Variants in PCDHGB7 observed in about 807,000 individuals in gnomAD.
PCDHGB7 encodes protocadherin gamma-B7.
Under a neutral mutation model 61.4 loss-of-function variants are expected in PCDHGB7, and 37 were observed. The ratio of observed to expected loss-of-function variants is 0.60; its 90% CI spans 0.46 to 0.79. PCDHGB7 has a LOEUF of 0.79. Ranked by LOEUF, PCDHGB7 falls within the 30% of genes least tolerant of loss-of-function variation. The pLI is 0.00. For missense variants in PCDHGB7, 1,166 were observed against 1,202.5 expected, an observed-to-expected ratio of 0.97 and a Z score of 0.45; for synonymous variants, 464 against 503.5, an observed-to-expected ratio of 0.92 and a Z score of 1.05.
At position 141,432,640 on chromosome 5, in the gene PCDHGB7, C is replaced by T. The variant is rs2097523683; in HGVS notation, c.2415+12366C>T. On this transcript the variant is annotated intron_variant, in intron 1 of 3. Transcript: ENST00000398594. This position sits in a 1 kb window ranked among gnomAD's most constrained non-coding sequence, Gnocchi z 6.0. ...TGGGTCTGCACACGGGCGAGGTGCG[C>T]ACGGCGCGAGCCCTGCTGGACAGAG... 1.9e-6 allele frequency: 3 copies of T among 1,613,814 alleles called. No individual in the cohort carries two copies. The highest frequency in any genetic ancestry group is 2.5e-6 in the Non-Finnish European group (3 of 1,179,932).
In PCDHGB7 at chr5:141,510,353, C is replaced by G. The variant is rs74759939; in HGVS notation, c.2564-594C>G. On this transcript the variant is annotated intron_variant, in intron 3 of 3. Transcript: ENST00000398594. ...CACCCCCACCCCACACACTTACTAA[C>G]GGAACTACCGAATCTCTACTCGTGC... is the stretch of plus-strand genomic sequence containing the variant. Among the ~76,000 whole-genome samples the G allele has an allele frequency of 1.9e-4, 28 of 146,588 alleles. No homozygotes were observed. The East Asian group carries it at 5.6e-3, about 29-fold the overall frequency.
intron 2 of PCDHGB7, among the ~76,000 whole-genome samples, chr5:141,503,570 G>T (rs996006002): frequency 3.4e-4 from 50 of 147,216 alleles, no homozygotes; most frequent in African/African-American, 1.2e-3. Context: ...CTGTACTCCA[G>T]CCTGGGTGAC....
intron 1 of PCDHGB7, chr5:141,492,055 G>C (rs1335131646): frequency 4.1e-6 from 2 of 493,506 alleles, no homozygotes; most frequent in Non-Finnish European, 7.1e-6. Flanking sequence ...CACCCCTGCA[G>C]CCAGCCTCCT....
chr5:141,490,576 G>T lies in PCDHGB7; in HGVS notation c.2416-4231G>T. On this transcript the variant is annotated intron_variant, in intron 1 of 3. Transcript: ENST00000398594. The surrounding 1 kb of genome is among the most constrained non-coding windows in gnomAD (Gnocchi z 5.4). ...TCTCACCATCAGGCTCAACATTTCA[G>T]ATGTCAATGACAATGCACCCCGCTT... 2.5e-6 allele frequency: 4 copies of T among 1,614,134 alleles called. No homozygotes were observed. The highest frequency in any genetic ancestry group is 3.4e-6 in the Non-Finnish European group (4 of 1,180,030).
chr5:141,473,879 C>G (rs937312573), intron 1 of PCDHGB7, among the ~76,000 whole-genome samples: 2 of 152,120 alleles, frequency 1.3e-5, no homozygotes, highest in Admixed American at 1.3e-4. Context: ...AATGCATACA[C>G]AAGGGTTCTG....
intron 1 of PCDHGB7, among the ~76,000 whole-genome samples, chr5:141,480,216 C>T (rs1055544952): frequency 1.9e-4 from 28 of 147,036 alleles, no homozygotes; most frequent in Non-Finnish European, 3.6e-4. Flanking sequence ...CCAGCCTGAG[C>T]GACATAGTGA....
rs1322608789 is a variant in PCDHGB7, at chr5:141,485,671, G to A, written c.2416-9136G>A. 3 of 1,612,860 alleles carry A rather than the reference G, an allele frequency of 1.9e-6. No homozygotes were observed. The highest frequency in any genetic ancestry group is 2.5e-6 in the Non-Finnish European group (3 of 1,179,040). On this transcript the variant is annotated intron_variant, in intron 1 of 3. Coordinates refer to ENST00000398594, the MANE Select transcript of PCDHGB7 (RefSeq NM_018927.4). This position sits in a 1 kb window ranked among gnomAD's most constrained non-coding sequence, Gnocchi z 5.7. Reference sequence around the variant, plus strand: ...AGGATGCAGATGTGGGGAGCAATTCGATTAGCAGCTATAGGCTGAGCTCCA... The same window carrying A: ...AGGATGCAGATGTGGGGAGCAATTCAATTAGCAGCTATAGGCTGAGCTCCA...
Position 141,417,874 on chromosome 5 carries a change from C to G in PCDHGB7, c.15C>G (p.Cys5Trp). MGGS[C>W]AQRRRAGPRQ... ...CCGAGCGAACGATGGGAGGGAGCTG[C>G]GCGCAGAGGCGCCGGGCCGGCCCGC... is the stretch of plus-strand genomic sequence containing the variant. Residue 5 changes from cysteine (C) to tryptophan (W), a missense_variant, in exon 1 of 4, where the codon TGC becomes TGG. Transcript: ENST00000398594. 9 of 1,555,320 alleles carry G rather than the reference C, an allele frequency of 5.8e-6. No individual in the cohort carries two copies. The highest frequency in any genetic ancestry group is 7.8e-6 in the Non-Finnish European group (9 of 1,148,654).
Position 141,422,740 on chromosome 5 carries a change from T to C in PCDHGB7, c.2415+2466T>C, listed in dbSNP as rs536737009. The C allele has an allele frequency of 2.7e-5, 43 of 1,609,962 alleles. 1 individual carries two copies. In the South Asian group the frequency reaches 4.8e-4, roughly 18 times the overall value. On this transcript the variant is annotated intron_variant, in intron 1 of 3. Transcript: ENST00000398594. ...TGTCCAGGGGGTGCCTCTGTCCTCC[T>C]ATGTCTCTATTAACTCCAACACTGG... is the stretch of plus-strand genomic sequence containing the variant.
Position 141,477,203 on chromosome 5 carries a change from G to T in PCDHGB7, c.2416-17604G>T. On this transcript the variant is annotated intron_variant, in intron 1 of 3. Coordinates refer to ENST00000398594, the MANE Select transcript of PCDHGB7 (RefSeq NM_018927.4). The surrounding 1 kb of genome is among the most constrained non-coding windows in gnomAD (Gnocchi z 4.9). ...CACCTCCGTGTACAGCCCAGTACCC[G>T]AGGATGCCCCTCTGGGGACTGTCAT... 1 of 1,614,176 alleles carries T rather than the reference G, an allele frequency of 6.2e-7. No individual in the cohort carries two copies. The highest frequency in any genetic ancestry group is 1.1e-5 in the South Asian group (1 of 91,082).
rs376452870 is a variant in PCDHGB7 at position 141,423,273 on chromosome 5, G to A, written c.2415+2999G>A. 34 of 1,613,778 alleles carry A rather than the reference G, an allele frequency of 2.1e-5. No homozygotes were observed. In the African/African-American group the frequency reaches 4.4e-4, roughly 21 times the overall value. Reference sequence around the variant, plus strand: ...CGGACCTCGGCAGCCTCGAGTCTCTGGCTAACTCTGAAACCTCAGACCTCT... The same window carrying A: ...CGGACCTCGGCAGCCTCGAGTCTCTAGCTAACTCTGAAACCTCAGACCTCT... On this transcript the variant is annotated intron_variant, in intron 1 of 3. Coordinates refer to ENST00000398594, the MANE Select transcript of PCDHGB7 (RefSeq NM_018927.4).
At chr5:141,466,621 T>A (rs911794654) in intron 1 of PCDHGB7, among the ~76,000 whole-genome samples, 1 of 152,208 alleles carries the variant, frequency 6.6e-6, no homozygotes, top group Non-Finnish European at 1.5e-5. Context: ...GCCGTTTTCT[T>A]TGGAGCATTG....
chr5:141,506,516 G>A (rs2099854579), intron 3 of PCDHGB7, among the ~76,000 whole-genome samples: 1 of 151,324 alleles, frequency 6.6e-6, no homozygotes, highest in Non-Finnish European at 1.5e-5. Flanking sequence ...CTGGCACCTG[G>A]CACCACCACT....
At chr5:141,495,014 G>A (rs561045298) in intron 2 of PCDHGB7, 149 bp downstream of exon 2, 13 of 1,510,430 alleles carry the variant, frequency 8.6e-6, no homozygotes, top group South Asian at 7.5e-5. Flanking sequence ...GCGGGGGGCT[G>A]GCACACAGAC....
Position 141,487,399 on chromosome 5 carries a change from G to A in PCDHGB7, c.2416-7408G>A. 1.2e-6 allele frequency: 2 copies of A among 1,614,140 alleles called. No homozygotes were observed. Among genetic ancestry groups the A allele is most frequent in the South Asian group, 1.1e-5 (1 of 91,088 alleles). On this transcript the variant is annotated intron_variant, in intron 1 of 3. Coordinates refer to ENST00000398594, the MANE Select transcript of PCDHGB7 (RefSeq NM_018927.4). The surrounding 1 kb of genome is among the most constrained non-coding windows in gnomAD (Gnocchi z 5.0). ...TCACCAGATCTCGAAGGAGGGAGGGGCTTCCCCCTTCCAATGGGATCCTCC... is the reference window on the plus strand; with the variant it reads ...TCACCAGATCTCGAAGGAGGGAGGGACTTCCCCCTTCCAATGGGATCCTCC...
chr5:141,463,644 G>C (rs1356692609), intron 1 of PCDHGB7, among the ~76,000 whole-genome samples: 1 of 151,596 alleles, frequency 6.6e-6, no homozygotes, highest in Non-Finnish European at 1.5e-5. Context: ...GTAGAGACGG[G>C]GTTTCACCGT....
intron 1 of PCDHGB7, among the ~76,000 whole-genome samples, chr5:141,482,755 T>TGAAGTGGGAGAATTGCTTGAGCCTGGG (rs1554165462): frequency 6.3e-5 from 9 of 143,570 alleles, no homozygotes; most frequent in African/African-American, 1.4e-4. Context: ...GGGATTATGG[T>TGAAGTGGGAGAATTGCTTGAGCCTGGG]ATTTCATTAT....
chr5:141,423,804 T>C (rs571396807), intron 1 of PCDHGB7: 50 of 1,240,508 alleles, frequency 4.0e-5, no homozygotes, highest in African/African-American at 2.7e-4. Flanking sequence ...GAGCAATACA[T>C]GTGAGTTTTA....
At chr5:141,495,984 ATC>A (rs2099765081) in intron 2 of PCDHGB7, among the ~76,000 whole-genome samples, 1 of 149,246 alleles carries the variant, frequency 6.7e-6, no homozygotes, top group East Asian at 2.0e-4. Context: ...CTCTTTCTTT[ATC>A]TCTCTTTTTC....
Sources: allele counts gnomAD v4.1 joint callset (sites outside exome capture counted in the v4.1 genomes callset), GRCh38; gene constraint gnomAD v4.1.1; non-coding constraint Gnocchi (gnomAD v3.1); transcripts MANE v1.5; gene names NCBI Gene and HGNC (gene_info 2026-07-23, HGNC 2026-07-21).